The following FAM3C variants were observed in gnomAD, a reference collection of about 807,000 sequenced individuals.
FAM3C encodes protein FAM3C.
A neutral mutation model predicts 32.5 loss-of-function variants in FAM3C; 15 were observed. The observed-to-expected ratio is 0.46, with a 90% CI of 0.31 to 0.71. FAM3C has a LOEUF of 0.71. Among genes scored for constraint, FAM3C ranks in the 30% least tolerant of loss-of-function variants. The pLI, the probability that FAM3C is intolerant of heterozygous loss-of-function variation, is 0.05. For missense variants in FAM3C, 175 were observed against 274.4 expected, an observed-to-expected ratio of 0.64 and a Z score of 2.56; for synonymous variants, 75 against 86.1, an observed-to-expected ratio of 0.87 and a Z score of 0.72.
intron 8 of FAM3C, among the ~76,000 whole-genome samples, chr7:121,358,835 C>A (rs567538812): frequency 6.6e-6 from 1 of 152,072 alleles, no homozygotes; most frequent in South Asian, 2.1e-4. Context: ...AAGCACCCTA[C>A]ACTAACAAAA....
chr7:121,396,371 G>T (rs1794700842), upstream of FAM3C: 1 of 152,012 alleles, frequency 6.6e-6, no homozygotes, highest in African/African-American at 2.4e-5. Context: ...CGACCAATGG[G>T]CCCCCGCCGC....
chr7:121,377,414 G>C (rs1794260183), intron 3 of FAM3C, among the ~76,000 whole-genome samples: 1 of 152,114 alleles, frequency 6.6e-6, no homozygotes, highest in Non-Finnish European at 1.5e-5. Context: ...AAACTCAGTA[G>C]TCCAGCAATC....
intron 1 of FAM3C, among the ~76,000 whole-genome samples, chr7:121,393,366 A>C (rs1314427296): frequency 6.6e-6 from 1 of 152,156 alleles, no homozygotes; most frequent in Non-Finnish European, 1.5e-5. Flanking sequence ...GCTAAGGTGG[A>C]GTTCAAGGCT....
chr7:121,380,462 A>G (rs1465578494), intron 2 of FAM3C, among the ~76,000 whole-genome samples: 1 of 152,120 alleles, frequency 6.6e-6, no homozygotes, highest in African/African-American at 2.4e-5. Flanking sequence ...CAAATAGTGC[A>G]TGTTCTCATT....
intron 5 of FAM3C, among the ~76,000 whole-genome samples, chr7:121,368,920 C>T (rs78128641): frequency 2.2e-3 from 338 of 151,836 alleles, no homozygotes; most frequent in African/African-American, 7.8e-3. Context: ...CACCCTGCTG[C>T]CCTGCAGGGC....
At chr7:121,383,507 A>T (rs12706338) in intron 1 of FAM3C, among the ~76,000 whole-genome samples, 1 of 152,114 alleles carries the variant, frequency 6.6e-6, no homozygotes, top group African/African-American at 2.4e-5. Context: ...AAGCATTTAC[A>T]GCAAGGGCTT....
intron 1 of FAM3C, among the ~76,000 whole-genome samples, chr7:121,392,696 A>G (rs1219794293): frequency 6.6e-6 from 1 of 152,258 alleles, no homozygotes; most frequent in African/African-American, 2.4e-5. Flanking sequence ...ACACTACCTT[A>G]GCAAGCCTTG....
intron 5 of FAM3C, among the ~76,000 whole-genome samples, chr7:121,370,470 G>A (rs1335443907): frequency 3.3e-5 from 5 of 152,054 alleles, no homozygotes; most frequent in African/African-American, 9.7e-5. Flanking sequence ...TATATAATTC[G>A]TGACAAATTT....
intron 5 of FAM3C, among the ~76,000 whole-genome samples, chr7:121,368,925 C>T (rs542291026): frequency 9.9e-5 from 15 of 151,632 alleles, no homozygotes; most frequent in Admixed American, 5.9e-4. Context: ...TGCTGCCCTG[C>T]AGGGCTGGTA....
chr7:121,350,629 T>C (rs959217626), intron 9 of FAM3C, 79 bp from the exon 10 acceptor site: 126 of 1,390,676 alleles, frequency 9.1e-5, no homozygotes, highest in Non-Finnish European at 1.2e-4. Flanking sequence ...TACACACTTC[T>C]CATTTCAGTA....
At chr7:121,389,991 C>A (rs1202644794) in intron 1 of FAM3C, among the ~76,000 whole-genome samples, 1 of 152,100 alleles carries the variant, frequency 6.6e-6, no homozygotes, top group African/African-American at 2.4e-5. Flanking sequence ...AAAACAAAGT[C>A]ATCAGTACAA....
intron 1 of FAM3C, among the ~76,000 whole-genome samples, chr7:121,384,295 G>A (rs1286001481): frequency 6.6e-6 from 1 of 152,058 alleles, no homozygotes; most frequent in Non-Finnish European, 1.5e-5. Flanking sequence ...CTAGCCACAG[G>A]CTAGGAAAAT....
intron 4 of FAM3C, 145 bp from the exon 5 acceptor site, chr7:121,371,568 T>C (rs1348361536): frequency 4.4e-6 from 4 of 899,494 alleles, no homozygotes; most frequent in Non-Finnish European, 4.8e-6. Context: ...TTTGTTCCCC[T>C]GAGGGTTTCA....
chr7:121,359,973 T>A, intron 8 of FAM3C, 70 bp downstream of exon 8: 3 of 863,246 alleles, frequency 3.5e-6, no homozygotes, highest in Non-Finnish European at 5.8e-6. Flanking sequence ...ACAGATTTTT[T>A]TTTAATGAAA....
At chr7:121,360,482 G>T (rs1052679226) in intron 7 of FAM3C, among the ~76,000 whole-genome samples, 4 of 152,132 alleles carry the variant, frequency 2.6e-5, no homozygotes, top group African/African-American at 9.7e-5. Context: ...CCTTATTCTG[G>T]GGTCCATGCA....
At chr7:121,367,595 T>C (rs1417428943) in intron 5 of FAM3C, among the ~76,000 whole-genome samples, 1 of 152,192 alleles carries the variant, frequency 6.6e-6, no homozygotes, top group Admixed American at 6.5e-5. Context: ...TAATGAATTA[T>C]TCCTAATATC....
At chr7:121,371,200 A>G in intron 5 of FAM3C, 100 bp downstream of exon 5, 1 of 1,364,632 alleles carries the variant, frequency 7.3e-7, no homozygotes, top group Non-Finnish European at 1.0e-6. Flanking sequence ...TTCCATTAAT[A>G]AAGTATACCG....
At chr7:121,378,183 T>C (rs1192865109) in intron 3 of FAM3C, among the ~76,000 whole-genome samples, 1 of 152,152 alleles carries the variant, frequency 6.6e-6, no homozygotes, top group African/African-American at 2.4e-5. Context: ...TGTTATTTTA[T>C]GAACGTAAGG....
chr7:121,372,984 C>G (rs1794177508), intron 3 of FAM3C, among the ~76,000 whole-genome samples: 1 of 151,914 alleles, frequency 6.6e-6, no homozygotes, highest in African/African-American at 2.4e-5. Context: ...AGGAAAATGA[C>G]CAAGTAAATA....
Sources: gnomAD v4.1 joint callset for allele counts (sites outside exome capture counted in the v4.1 genomes callset) on GRCh38, gnomAD v4.1.1 for gene constraint, MANE v1.5 for transcripts, NCBI Gene and HGNC (gene_info 2026-07-23, HGNC 2026-07-21) for gene names.